MME: variants seen among roughly 807,000 people sequenced by gnomAD.
MME encodes membrane metalloendopeptidase.
A neutral mutation model predicts 113.2 loss-of-function variants in MME; 98 were observed. The ratio of observed to expected loss-of-function variants is 0.87; its 90% CI spans 0.74 to 1.02. The LOEUF (loss-of-function observed/expected upper bound fraction) is 1.02, where lower values mean the gene tolerates loss of function less well. Ranked by LOEUF, MME falls within the 50% of genes least tolerant of loss-of-function variation. The probability of loss-of-function intolerance (pLI) is 0.00; values close to 1 mark genes in which losing one functional copy is unlikely to be tolerated. For missense variants in MME, 836 were observed against 896.0 expected (o/e 0.93, Z 0.86); for synonymous variants, 292 against 300.6 (o/e 0.97, Z 0.30).
At chr3:155,045,168 T>G (rs538350080) in intron 1 of MME, among the ~76,000 whole-genome samples, 1 of 152,138 alleles carries the variant, frequency 6.6e-6, no homozygotes, top group South Asian at 2.1e-4. Flanking sequence ...TTTTTTTTTT[T>G]TCAGACGGAG....
chr3:155,158,180 T>G (rs1158060216), intron 16 of MME, among the ~76,000 whole-genome samples: 2 of 152,170 alleles, frequency 1.3e-5, no homozygotes, highest in East Asian at 3.9e-4. Context: ...CTTTTCTATT[T>G]CAATATTAGG....
At chr3:155,086,128 T>C (rs1007248988) in intron 3 of MME, among the ~76,000 whole-genome samples, 4 of 152,150 alleles carry the variant, frequency 2.6e-5, no homozygotes, top group African/African-American at 9.7e-5. Context: ...GGGCTGCTTC[T>C]GTACTCCAAG....
chr3:155,070,039 G>T (rs1447190668), intron 1 of MME, among the ~76,000 whole-genome samples: 1 of 152,150 alleles, frequency 6.6e-6, no homozygotes, highest in Non-Finnish European at 1.5e-5. Flanking sequence ...GGTGGACGAT[G>T]CAAACAGACA....
At chr3:155,100,394 A>G (rs1717106251) in intron 3 of MME, among the ~76,000 whole-genome samples, 1 of 152,222 alleles carries the variant, frequency 6.6e-6, no homozygotes, top group African/African-American at 2.4e-5. Flanking sequence ...TTAAAAAGTC[A>G]AGAAACAACA....
At chr3:155,062,445 T>C (rs559024421) in intron 1 of MME, among the ~76,000 whole-genome samples, 13 of 152,276 alleles carry the variant, frequency 8.5e-5, no homozygotes, top group Admixed American at 2.6e-4. Flanking sequence ...GTTCTATGAG[T>C]TCAAGATTGT....
intron 1 of MME, among the ~76,000 whole-genome samples, chr3:155,026,490 G>A (rs1712792563): frequency 1.3e-5 from 2 of 152,170 alleles, no homozygotes; most frequent in African/African-American, 2.4e-5. Flanking sequence ...TTGGGAGGCC[G>A]AGGTGGGTGG....
At chr3:155,049,069 T>G (rs1425023157) in intron 1 of MME, among the ~76,000 whole-genome samples, 3 of 152,110 alleles carry the variant, frequency 2.0e-5, no homozygotes, top group Admixed American at 2.0e-4. Flanking sequence ...GCTTCATTAT[T>G]TTATTTTTTA....
intron 1 of MME, among the ~76,000 whole-genome samples, chr3:155,033,332 A>C (rs1206358568): frequency 6.6e-6 from 1 of 152,218 alleles, no homozygotes; most frequent in Admixed American, 6.5e-5. Flanking sequence ...ATCCCTTAAT[A>C]TATTGCTGAC....
chr3:155,064,301 T>C (rs1037098985), intron 1 of MME, among the ~76,000 whole-genome samples: 1 of 152,010 alleles, frequency 6.6e-6, no homozygotes, highest in Non-Finnish European at 1.5e-5. Context: ...AAAAAAATTA[T>C]ACATATATAA....
At chr3:155,084,036 C>A in intron 1 of MME, 122 bp from the exon 2 acceptor site, 1 of 981,320 alleles carries the variant, frequency 1.0e-6, no homozygotes, top group Non-Finnish European at 1.5e-6. Context: ...TTCTCAACAG[C>A]AAAAATGTAT....
chr3:155,143,134 CT>C (rs1721243391), intron 12 of MME, among the ~76,000 whole-genome samples: 1 of 152,116 alleles, frequency 6.6e-6, no homozygotes, highest in Non-Finnish European at 1.5e-5. Flanking sequence ...TTGAATATGA[CT>C]TCACATTTAT....
At chr3:155,069,509 A>G (rs955328869) in intron 1 of MME, among the ~76,000 whole-genome samples, 1 of 152,162 alleles carries the variant, frequency 6.6e-6, no homozygotes, top group African/African-American at 2.4e-5. Context: ...GAAGATGAAA[A>G]TCCCAGTAAT....
rs1576666037 is a variant in MME at position 155,042,911 on chromosome 3, T to TATATATATATATAC, written c.-11+18600_-11+18601insCATATATATATATA. Among the ~76,000 whole-genome samples the TATATATATATATAC allele has an allele frequency of 2.5e-4, 10 of 40,358 alleles. No homozygotes were observed. The East Asian group carries it at 8.9e-3, about 36-fold the overall frequency. The allele number at this position is 40,358 out of a possible 152,430, so 26.5% of individuals were successfully genotyped here. A position where few individuals can be genotyped will look rare whatever the true frequency, so the allele number is the denominator to read the frequency against. ...ACCAATAGTAGGTTTTATATATATA[T>TATATATATATATAC]ATATATATATATATATATATATATA... is the stretch of plus-strand genomic sequence containing the variant. On this transcript the variant is annotated intron_variant, in intron 1 of 22. Transcript: ENST00000492661.
chr3:155,159,090 A>T (rs1375220842), intron 16 of MME: 2 of 152,124 alleles, frequency 1.3e-5, no homozygotes, highest in Non-Finnish European at 2.9e-5. Flanking sequence ...CTTAGAATTT[A>T]TCAGTCAGTT....
chr3:155,158,578 G>A (rs1722478705), intron 16 of MME: 1 of 151,920 alleles, frequency 6.6e-6, no homozygotes, highest in Non-Finnish European at 1.5e-5. Context: ...TATAAACATA[G>A]TCATAATATA....
At chr3:155,106,320 G>A (rs1717680761) in intron 3 of MME, among the ~76,000 whole-genome samples, 1 of 152,152 alleles carries the variant, frequency 6.6e-6, no homozygotes, top group Non-Finnish European at 1.5e-5. Context: ...TGATAAACTA[G>A]CAGTCCAGTT....
At chr3:155,063,219 C>T (rs1714222927) in intron 1 of MME, among the ~76,000 whole-genome samples, 2 of 109,034 alleles carry the variant, frequency 1.8e-5, no homozygotes, top group African/African-American at 3.5e-5. Flanking sequence ...TAATAATATA[C>T]ATATGTATAT....
At chr3:155,045,446 C>A (rs1020524274) in intron 1 of MME, among the ~76,000 whole-genome samples, 1 of 151,818 alleles carries the variant, frequency 6.6e-6, no homozygotes, top group Non-Finnish European at 1.5e-5. Flanking sequence ...CCACGCCTGG[C>A]CTATAAAAAT....
intron 3 of MME, among the ~76,000 whole-genome samples, chr3:155,103,125 T>G (rs1043113466): frequency 2.0e-5 from 3 of 152,354 alleles, no homozygotes; most frequent in East Asian, 1.9e-4. Flanking sequence ...ATATCCCACT[T>G]GTTATTAGTT....
Sources: gnomAD v4.1 joint callset for allele counts (sites outside exome capture counted in the v4.1 genomes callset) on GRCh38, gnomAD v4.1.1 for gene constraint, MANE v1.5 for transcripts, NCBI Gene and HGNC (gene_info 2026-07-23, HGNC 2026-07-21) for gene names.